The following CDH26 variants were observed in gnomAD, a reference collection of about 807,000 sequenced individuals.
CDH26 encodes cadherin-like protein 26.
Under a neutral mutation model 90.3 loss-of-function variants are expected in CDH26, and 83 were observed. The observed-to-expected ratio is 0.92, with a 90% CI of 0.77 to 1.10. The LOEUF is 1.10. Ranked by LOEUF, CDH26 falls within the 50% of genes least tolerant of loss-of-function variation. CDH26 has a pLI of 0.00. For synonymous variants in CDH26, 397 were observed against 396.3 expected (o/e 1.00, Z -0.02); for missense variants, 1,013 against 1,037.6 (o/e 0.98, Z 0.33).
chr20:60,001,382 G>T lies in CDH26; in HGVS notation c.2137G>T (p.Ala713Ser). The T allele has an allele frequency of 6.2e-7, 1 of 1,614,040 alleles. No homozygotes were observed. The highest frequency in any genetic ancestry group is 1.1e-5 in the South Asian group (1 of 91,080). The change falls in exon 15 of 18, where the codon GCC (alanine) becomes TCC (serine). Residue 713 changes from alanine to serine, a missense_variant. By Grantham distance (99) the Ala-to-Ser change is moderately conservative. Coordinates refer to ENST00000348616, the MANE Select transcript of CDH26 (RefSeq NM_177980.4). The part of the protein sequence containing the change: ...EVPPSAASQS[A>S]QARCALGSWG... ...GCCTCCATCTGCAGCGAGTCAGTCAGCCCAAGCACGCTGTGCTCTGGGGAG... is the reference window on the plus strand; with the variant it reads ...GCCTCCATCTGCAGCGAGTCAGTCATCCCAAGCACGCTGTGCTCTGGGGAG...
rs1601091298 is a variant in CDH26 at position 59,967,945 on chromosome 20, T to G, written c.70-1022T>G. ...TTTCCTTTCCTTTCCCTTTCTTTCT[T>G]TCTTTCTTTCTATCTTTCTTTCTTT... On this transcript the variant is annotated intron_variant, in intron 1 of 17. Transcript: ENST00000348616. Among the ~76,000 whole-genome samples the G allele has an allele frequency of 1.8e-5, 2 of 109,376 alleles. 1 individual carries two copies. Among genetic ancestry groups the G allele is most frequent in the African/African-American group, 1.1e-4 (2 of 18,604 alleles). The allele number at this position is 109,376 out of a possible 152,430, so 71.8% of individuals were successfully genotyped here.
At chr20:59,982,399 A>C (rs918301268) in intron 4 of CDH26, among the ~76,000 whole-genome samples, 4 of 152,234 alleles carry the variant, frequency 2.6e-5, no homozygotes, top group African/African-American at 9.6e-5. Context: ...GAAAGATTTC[A>C]CACATGCATA....
chr20:60,000,930 A>T (rs1711970601), intron 14 of CDH26, among the ~76,000 whole-genome samples: 1 of 152,256 alleles, frequency 6.6e-6, no homozygotes, highest in Admixed American at 6.5e-5. Flanking sequence ...TCTTTGAAAT[A>T]TAACTTCATT....
At chr20:60,001,495 A>C in intron 15 of CDH26, 84 bp downstream of exon 15, 1 of 1,546,096 alleles carries the variant, frequency 6.5e-7, no homozygotes, top group South Asian at 1.2e-5. Flanking sequence ...CCGTTGTAGA[A>C]GATTCGGTGA....
At position 59,985,418 on chromosome 20, in the gene CDH26, A is replaced by G. The variant is rs56244158; in HGVS notation, c.837+289A>G. 7.2e-3 allele frequency among the ~76,000 whole-genome samples: 1,102 copies of G among 152,220 alleles called. 15 individuals carry two copies. The highest frequency in any genetic ancestry group is 0.024 in the African/African-American group (1,017 of 41,532). On this transcript the variant is annotated intron_variant, in intron 7 of 17. Coordinates refer to ENST00000348616, the MANE Select transcript of CDH26 (RefSeq NM_177980.4). ...CATGTCACTCGGTGACAACAAGAGC[A>G]TGCAAGACACGGGAGGTGGGTGGGG... is the stretch of plus-strand genomic sequence containing the variant.
chr20:59,984,783 T>C lies in CDH26; in HGVS notation c.686T>C (p.Leu229Pro), dbSNP rs1197989143. ...GATCGCCTTAGTGGAGAAATACGACTCTCTGGCTGCTTAGATTATGAGGTT... is the reference window on the plus strand; with the variant it reads ...GATCGCCTTAGTGGAGAAATACGACCCTCTGGCTGCTTAGATTATGAGGTT... Reference protein sequence around the residue: ...RVDRLSGEIRLSGCLDYETAP... With the variant: ...RVDRLSGEIRPSGCLDYETAP... Residue 229 changes from leucine (L) to proline (P), a missense_variant, in exon 6 of 18, where the codon CTC (leucine) becomes CCC (proline). Coordinates refer to ENST00000348616, the MANE Select transcript of CDH26 (RefSeq NM_177980.4). 1 of 1,610,564 alleles carries C rather than the reference T, an allele frequency of 6.2e-7. No homozygotes were observed.
At chr20:59,973,148 G>C (rs2061284719) in intron 4 of CDH26, among the ~76,000 whole-genome samples, 1 of 152,206 alleles carries the variant, frequency 6.6e-6, no homozygotes, top group Non-Finnish European at 1.5e-5. Flanking sequence ...TGAGCAAACA[G>C]ATCACCTAGG....
At chr20:59,973,388 TTTA>T (rs543509787) in intron 4 of CDH26, among the ~76,000 whole-genome samples, 16 of 152,280 alleles carry the variant, frequency 1.1e-4, no homozygotes, top group African/African-American at 3.6e-4. Context: ...TTCCTTTCCT[TTTA>T]TTATTATTAT....
downstream of CDH26, among the ~76,000 whole-genome samples, chr20:60,015,622 G>A (rs548701006): frequency 3.2e-3 from 473 of 146,204 alleles, no homozygotes; most frequent in African/African-American, 0.011. Context: ...AAAATTTTTC[G>A]TTTGATATAA....
intron 16 of CDH26, among the ~76,000 whole-genome samples, chr20:60,005,471 T>C (rs1226772218): frequency 6.8e-6 from 1 of 148,004 alleles, no homozygotes; most frequent in African/African-American, 2.6e-5. Flanking sequence ...TGTGCATGTG[T>C]ATATATCTGT....
chr20:60,033,070 G>A (rs890694877), intron 8 of CDH26, among the ~76,000 whole-genome samples: 2 of 152,160 alleles, frequency 1.3e-5, no homozygotes, highest in African/African-American at 4.8e-5. Context: ...TATGAAAGAC[G>A]CATGATGTGG....
chr20:60,033,520 C>A lies in CDH26; in HGVS notation c.1179C>A (p.Ser393Arg), dbSNP rs1282482773. ...ACAAGGCTGGGAGAAAGCAAAGGAGCCACTTGTTTAAGGTTATGCAGCTGA... is the reference window on the plus strand; with the variant it reads ...ACAAGGCTGGGAGAAAGCAAAGGAGACACTTGTTTAAGGTTATGCAGCTGA... The change falls in exon 9 of 9, where the codon AGC (serine) becomes AGA (arginine). Residue 393 changes from serine to arginine, a missense_variant. By Grantham distance (110) the Ser-to-Arg change is moderately radical. Transcript: ENST00000370991. The A allele has an allele frequency of 3.8e-6, 5 of 1,304,172 alleles. No individual in the cohort carries two copies. The African/African-American group carries it at 7.6e-5, about 20-fold the overall frequency. 80.8% of individuals were successfully genotyped at this position (1,304,172 alleles called of 1,614,324 possible).
At chr20:60,017,230 C>A (rs543788210), downstream of CDH26, among the ~76,000 whole-genome samples, 46 of 152,068 alleles carry the variant, frequency 3.0e-4, 1 homozygote, top group South Asian at 6.2e-3. Flanking sequence ...GTAGTGAAAC[C>A]ATCCGGCCCT....
chr20:60,022,545 G>A (rs904859853), intron 7 of CDH26, among the ~76,000 whole-genome samples: 2 of 152,168 alleles, frequency 1.3e-5, no homozygotes, highest in Non-Finnish European at 1.5e-5. Context: ...AACACTGACC[G>A]AGGAGACCTC....
chr20:59,989,240 C>A lies in CDH26; in HGVS notation c.1283+77C>A, dbSNP rs2061496664. 45 of 1,576,702 alleles carry A rather than the reference C, an allele frequency of 2.9e-5. No homozygotes were observed. The South Asian group carries it at 5.0e-4, about 18-fold the overall frequency. On this transcript the variant is annotated intron_variant, in intron 9 of 17. Transcript: ENST00000348616. ...AACCAAGAGGGCTCCTGTTAGAAAA[C>A]CAGCTCGGCCGGGCGCGGTGGCTCA...
At chr20:60,009,024 T>C (rs2061792770) in intron 17 of CDH26, among the ~76,000 whole-genome samples, 1 of 152,066 alleles carries the variant, frequency 6.6e-6, no homozygotes, top group Non-Finnish European at 1.5e-5. Flanking sequence ...TCCATGTGTC[T>C]CTCCCGAGCC....
intron 7 of CDH26, among the ~76,000 whole-genome samples, chr20:59,987,074 C>T (rs1465811705): frequency 6.6e-6 from 1 of 152,196 alleles, no homozygotes; most frequent in Non-Finnish European, 1.5e-5. Flanking sequence ...TGAATAACCA[C>T]AAGTGTCCTA....
At chr20:59,972,534 G>A (rs2061275562) in intron 4 of CDH26, among the ~76,000 whole-genome samples, 1 of 152,180 alleles carries the variant, frequency 6.6e-6, no homozygotes, top group South Asian at 2.1e-4. Context: ...TTGCATACCT[G>A]TTGACAATGT....
chr20:59,981,782 G>C (rs1243021261), intron 4 of CDH26, among the ~76,000 whole-genome samples: 1 of 152,066 alleles, frequency 6.6e-6, no homozygotes, highest in Non-Finnish European at 1.5e-5. Flanking sequence ...CATATAATCA[G>C]TTGAGAAGTT....
Sources: gnomAD v4.1 joint callset for allele counts (sites outside exome capture counted in the v4.1 genomes callset) on GRCh38, gnomAD v4.1.1 for gene constraint, MANE v1.5 for transcripts, NCBI Gene and HGNC (gene_info 2026-07-23, HGNC 2026-07-21) for gene names.